HKDC1: variants seen among roughly 807,000 people sequenced by gnomAD.
The protein encoded by HKDC1 is hexokinase HKDC1.
HKDC1 carries 66 observed loss-of-function variants against 96.6 expected under a neutral mutation model. That is an observed-to-expected ratio of 0.68 (90% CI 0.56 to 0.84). The LOEUF is 0.84. Ranked by LOEUF, HKDC1 falls within the 40% of genes least tolerant of loss-of-function variation. The pLI is 0.00. For missense variants in HKDC1, 1,211 were observed against 1,208.1 expected (o/e 1.00, Z -0.04); for synonymous variants, 466 against 473.1 (o/e 0.98, Z 0.20).
chr10:69,262,247 A>C lies in HKDC1; in HGVS notation c.2372+953A>C. 1.1e-5 allele frequency: 2 copies of C among 183,480 alleles called. 1 individual carries two copies. Among genetic ancestry groups the C allele is most frequent in the South Asian group, 1.9e-4 (2 of 10,574 alleles). 11.4% of individuals were successfully genotyped at this position (183,480 alleles called of 1,614,324 possible). On this transcript the variant is annotated intron_variant, in intron 16 of 17. Transcript: ENST00000354624. ...TATGTTACTGTACTATAATTTACTAAACTTTCCCTTTAATATAGGATGTCT... is the reference window on the plus strand; with the variant it reads ...TATGTTACTGTACTATAATTTACTACACTTTCCCTTTAATATAGGATGTCT...
chr10:69,262,119 G>A (rs1487608365), intron 16 of HKDC1: 2 of 432,858 alleles, frequency 4.6e-6, no homozygotes, highest in Non-Finnish European at 9.3e-6. Flanking sequence ...ATCGTAAATG[G>A]TGATGATTCC....
At chr10:69,225,375 G>A (rs562105935) in intron 1 of HKDC1, among the ~76,000 whole-genome samples, 2 of 152,198 alleles carry the variant, frequency 1.3e-5, no homozygotes, top group South Asian at 2.1e-4. Flanking sequence ...AGTTTTCTCG[G>A]CTTGTGTGTG....
chr10:69,249,597 A>G (rs1368091002), intron 10 of HKDC1, among the ~76,000 whole-genome samples: 2 of 152,142 alleles, frequency 1.3e-5, no homozygotes, highest in Non-Finnish European at 2.9e-5. Flanking sequence ...CCAGGTTCAC[A>G]CCATTCTCCT....
At chr10:69,258,146 C>T (rs1843748849) in intron 14 of HKDC1, among the ~76,000 whole-genome samples, 1 of 152,162 alleles carries the variant, frequency 6.6e-6, no homozygotes, top group African/African-American at 2.4e-5. Context: ...GAGGTTTCCT[C>T]TCACTCTAAC....
In HKDC1 at chr10:69,227,387, C is replaced by T; in HGVS notation, c.226+18C>T. 2 of 1,613,900 alleles carry T rather than the reference C, an allele frequency of 1.2e-6. No individual in the cohort carries two copies. The highest frequency in any genetic ancestry group is 1.3e-5 in the African/African-American group (1 of 75,054). On this transcript the variant is annotated intron_variant, in intron 2 of 17. Transcript: ENST00000354624. Reference sequence around the variant, plus strand: ...TGGTTCCGGTGAGTGCAGTTGTCCGCTGCCAGGGTCCCTGGCTCCTCTTGG... The same window carrying T: ...TGGTTCCGGTGAGTGCAGTTGTCCGTTGCCAGGGTCCCTGGCTCCTCTTGG...
chr10:69,227,104 C>A, intron 1 of HKDC1, 103 bp from the exon 2 acceptor site: 1 of 1,304,706 alleles, frequency 7.7e-7, no homozygotes, highest in Non-Finnish European at 1.1e-6. Context: ...ATGCTGTCCC[C>A]AGAGTCAGGA....
chr10:69,240,768 G>T lies in HKDC1; in HGVS notation c.691+17G>T. 1.3e-6 allele frequency: 2 copies of T among 1,592,916 alleles called. No individual in the cohort carries two copies. The highest frequency in any genetic ancestry group is 2.2e-5 in the South Asian group (2 of 90,634). On this transcript the variant is annotated intron_variant, in intron 6 of 17. Transcript: ENST00000354624. ...TCATCATCGGTAACTCAATTGGACT[G>T]GTTTTTTGAGGGTAGGGGAGAAGGG...
intron 16 of HKDC1, among the ~76,000 whole-genome samples, chr10:69,264,939 A>G (rs1843867693): frequency 6.6e-6 from 1 of 152,170 alleles, no homozygotes; most frequent in South Asian, 2.1e-4. Flanking sequence ...GTTTCTCTGC[A>G]TGTGTTTACA....
chr10:69,228,176 C>A (rs150010331), intron 2 of HKDC1, among the ~76,000 whole-genome samples: 48 of 152,242 alleles, frequency 3.2e-4, no homozygotes, highest in Admixed American at 6.5e-4. Flanking sequence ...TTAACTTTTC[C>A]AGTTTCGAGA....
chr10:69,259,901 A>C (rs1459215733), intron 15 of HKDC1, among the ~76,000 whole-genome samples: 1 of 152,216 alleles, frequency 6.6e-6, no homozygotes, highest in Non-Finnish European at 1.5e-5. Context: ...TGGGGATTGT[A>C]ATTCAACATG....
rs780516629 is a variant in HKDC1 at position 69,246,073 on chromosome 10, C to T, written c.876-6C>T. 2.5e-6 allele frequency: 4 copies of T among 1,613,774 alleles called. No individual in the cohort carries two copies. Among genetic ancestry groups the T allele is most frequent in the African/African-American group, 1.3e-5 (1 of 74,948 alleles). ...TGCGTCCACAGATCTGTTCACCAAC[C>T]TGCAGGTTCGAGAAGATGATCAGTG... On this transcript the variant is annotated splice_region_variant and splice_polypyrimidine_tract_variant and intron_variant, in intron 7 of 17. Transcript: ENST00000354624.
At chr10:69,259,010 T>A in intron 15 of HKDC1, 51 bp downstream of exon 15, 2 of 1,369,568 alleles carry the variant, frequency 1.5e-6, no homozygotes, top group Non-Finnish European at 1.9e-6. Context: ...TGAACAACAC[T>A]ACCAGACCTA....
rs1391230199 is a variant in HKDC1 at position 69,267,508 on chromosome 10, A to G, written c.*751A>G. On this transcript the variant is annotated 3_prime_UTR_variant, in exon 18 of 18. Coordinates refer to ENST00000354624, the MANE Select transcript of HKDC1 (RefSeq NM_025130.4). ...AGTTGTTTTAAGGATTGTTAGGTAT[A>G]GGAAATCCAGTAAATTAATAAAAAA... 1 of 452,590 alleles carries G rather than the reference A, an allele frequency of 2.2e-6. No homozygotes were observed. Among genetic ancestry groups the G allele is most frequent in the East Asian group, 6.9e-5 (1 of 14,392 alleles). 28.0% of individuals were successfully genotyped at this position (452,590 alleles called of 1,614,324 possible).
intron 1 of HKDC1, among the ~76,000 whole-genome samples, chr10:69,224,548 G>C (rs932250531): frequency 2.0e-5 from 3 of 152,214 alleles, no homozygotes; most frequent in African/African-American, 7.2e-5. Flanking sequence ...CTCCCAAAGT[G>C]CTGGGATTAC....
intron 9 of HKDC1, 36 bp from the exon 10 acceptor site, chr10:69,248,388 T>C (rs777388866): frequency 2.0e-6 from 3 of 1,527,884 alleles, no homozygotes; most frequent in South Asian, 2.6e-5. Flanking sequence ...CTGGCCTTTA[T>C]GATTGCTAAA....
intron 1 of HKDC1, chr10:69,223,360 A>G (rs1410713623): frequency 6.6e-6 from 1 of 152,116 alleles, no homozygotes; most frequent in Admixed American, 6.6e-5. Flanking sequence ...GTTTTTAGTT[A>G]TGTTTATAAG....
At chr10:69,252,236 G>C (rs1443067263) in intron 12 of HKDC1, among the ~76,000 whole-genome samples, 1 of 152,138 alleles carries the variant, frequency 6.6e-6, no homozygotes, top group African/African-American at 2.4e-5. Flanking sequence ...GGTTGTCCAG[G>C]TGTGGTGGCT....
intron 1 of HKDC1, among the ~76,000 whole-genome samples, chr10:69,222,231 C>G (rs943390196): frequency 5.3e-5 from 8 of 152,278 alleles, no homozygotes; most frequent in Middle Eastern, 3.4e-3. Flanking sequence ...CAAAACAAAA[C>G]AAAGAAAGAG....
intron 1 of HKDC1, among the ~76,000 whole-genome samples, chr10:69,223,649 G>A (rs571319266): frequency 1.4e-5 from 2 of 140,206 alleles, no homozygotes; most frequent in South Asian, 4.5e-4. Flanking sequence ...GCAGTGGTGC[G>A]ATCTTGGCTC....
Sources: gnomAD v4.1 joint callset for allele counts (sites outside exome capture counted in the v4.1 genomes callset) on GRCh38, gnomAD v4.1.1 for gene constraint, MANE v1.5 for transcripts, NCBI Gene and HGNC (gene_info 2026-07-23, HGNC 2026-07-21) for gene names.